ASTN2: variants seen among roughly 807,000 people sequenced by gnomAD.
The protein encoded by ASTN2 is astrotactin-2.
ASTN2 carries 54 observed loss-of-function variants against 139.8 expected under a neutral mutation model. The ratio of observed to expected loss-of-function variants is 0.39; its 90% CI spans 0.31 to 0.48. The LOEUF is 0.48. Ranked by LOEUF, ASTN2 falls within the 20% of genes least tolerant of loss-of-function variation. ASTN2 has a pLI of 0.95. For missense variants in ASTN2, 1,565 were observed against 1,725.1 expected (o/e 0.91, Z 1.64); for synonymous variants, 756 against 719.5 (o/e 1.05, Z -0.81).
At chr9:117,252,668 G>A (rs1300555138) in intron 2 of ASTN2, among the ~76,000 whole-genome samples, 1 of 152,198 alleles carries the variant, frequency 6.6e-6, no homozygotes, top group African/African-American at 2.4e-5. Flanking sequence ...GCAATTCTAT[G>A]AGGCAGTTAT....
intron 13 of ASTN2, among the ~76,000 whole-genome samples, chr9:116,749,457 C>T (rs1369912299): frequency 2.6e-5 from 4 of 152,184 alleles, no homozygotes; most frequent in African/African-American, 9.7e-5. Context: ...TCCCGCCCGC[C>T]ACTGGTAAAT....
At chr9:116,947,861 T>C (rs922666477) in intron 10 of ASTN2, among the ~76,000 whole-genome samples, 6 of 152,274 alleles carry the variant, frequency 3.9e-5, no homozygotes, top group Non-Finnish European at 7.3e-5. Flanking sequence ...TTTTGCTGAA[T>C]GTCCTAATAA....
At chr9:117,365,830 T>A (rs970824009) in intron 1 of ASTN2, among the ~76,000 whole-genome samples, 9 of 152,194 alleles carry the variant, frequency 5.9e-5, no homozygotes, top group Admixed American at 2.6e-4. Flanking sequence ...ACAGTGGAAA[T>A]GCACTGGCCT....
At chr9:116,805,558 C>A in intron 13 of ASTN2, 74 bp downstream of exon 13, 1 of 1,419,310 alleles carries the variant, frequency 7.0e-7, no homozygotes, top group Non-Finnish European at 9.8e-7. Flanking sequence ...CCCATTGTGC[C>A]CATGGCTTCC....
chr9:116,620,832 T>C (rs1290626932), intron 17 of ASTN2, among the ~76,000 whole-genome samples: 2 of 152,200 alleles, frequency 1.3e-5, no homozygotes, highest in Admixed American at 6.5e-5. Flanking sequence ...AGGTTTACGA[T>C]AGCGATAGAG....
intron 13 of ASTN2, among the ~76,000 whole-genome samples, chr9:116,803,076 T>A (rs1830905854): frequency 6.6e-6 from 1 of 152,352 alleles, no homozygotes; most frequent in Non-Finnish European, 1.5e-5. Context: ...TCTATTTTTT[T>A]AAAACTTGTG....
chr9:117,121,891 C>A (rs929198789), intron 4 of ASTN2, among the ~76,000 whole-genome samples: 7 of 152,140 alleles, frequency 4.6e-5, no homozygotes, highest in African/African-American at 2.4e-5. Flanking sequence ...ACAACCAGAA[C>A]TCCTGATAAC....
intron 20 of ASTN2, among the ~76,000 whole-genome samples, chr9:116,449,191 A>G (rs1848100305): frequency 6.6e-6 from 1 of 152,178 alleles, no homozygotes; most frequent in Non-Finnish European, 1.5e-5. Flanking sequence ...GGATTGCATG[A>G]GCCCAGGAGT....
chr9:116,442,197 C>T (rs1847860191), intron 21 of ASTN2, among the ~76,000 whole-genome samples: 1 of 152,164 alleles, frequency 6.6e-6, no homozygotes, highest in African/African-American at 2.4e-5. Context: ...TAAGTCAGAA[C>T]ACAGATCAAC....
intron 2 of ASTN2, among the ~76,000 whole-genome samples, chr9:117,286,582 G>A (rs894668373): frequency 1.3e-5 from 2 of 152,122 alleles, no homozygotes; most frequent in Admixed American, 6.5e-5. Flanking sequence ...AACTTAGCTG[G>A]CAAATAGTTA....
chr9:117,205,716 A>T (rs1017788782), intron 3 of ASTN2, among the ~76,000 whole-genome samples: 3 of 152,188 alleles, frequency 2.0e-5, no homozygotes, highest in African/African-American at 4.8e-5. Context: ...CAAACTAAAA[A>T]ATAAGGCTTT....
intron 1 of ASTN2, among the ~76,000 whole-genome samples, chr9:117,327,025 G>A (rs1487285000): frequency 6.6e-6 from 1 of 152,156 alleles, no homozygotes; most frequent in African/African-American, 2.4e-5. Context: ...TGGGGGACTG[G>A]TTTTGGGATA....
intron 19 of ASTN2, among the ~76,000 whole-genome samples, chr9:116,499,059 T>C (rs909807507): frequency 2.6e-5 from 4 of 152,198 alleles, no homozygotes; most frequent in Admixed American, 6.5e-5. Context: ...TTTAGAATCC[T>C]CTGCACCACC....
At chr9:116,821,812 G>T (rs1386448257) in intron 11 of ASTN2, among the ~76,000 whole-genome samples, 3 of 152,074 alleles carry the variant, frequency 2.0e-5, no homozygotes, top group Non-Finnish European at 4.4e-5. Flanking sequence ...TCTGGCACCT[G>T]CTATGTGCTC....
chr9:116,715,921 G>A (rs1019771541), intron 16 of ASTN2, among the ~76,000 whole-genome samples: 7 of 152,162 alleles, frequency 4.6e-5, no homozygotes, highest in Non-Finnish European at 1.0e-4. Context: ...AGGTTGGTAG[G>A]TTAGACCTGC....
At chr9:116,668,850 T>C (rs1031736019) in intron 16 of ASTN2, among the ~76,000 whole-genome samples, 1 of 152,276 alleles carries the variant, frequency 6.6e-6, no homozygotes, top group Admixed American at 6.5e-5. Context: ...GGGCTAGAAA[T>C]GACTTAGTGT....
intron 7 of ASTN2, among the ~76,000 whole-genome samples, chr9:116,980,064 G>A (rs1836465157): frequency 6.6e-6 from 1 of 152,128 alleles, no homozygotes; most frequent in Admixed American, 6.5e-5. Context: ...AGGCTTCCTG[G>A]AGAACGGAAA....
intron 1 of ASTN2, among the ~76,000 whole-genome samples, chr9:117,296,818 TTTTTCTGCTCTCC>T (rs1834748431): frequency 6.6e-6 from 1 of 152,142 alleles, no homozygotes. Flanking sequence ...CCTTTTCACC[TTTTTCTGCTCTCC>T]CCCATGGGCT....
chr9:116,769,245 T>C (rs1174442433), intron 13 of ASTN2, among the ~76,000 whole-genome samples: 1 of 152,172 alleles, frequency 6.6e-6, no homozygotes, highest in Non-Finnish European at 1.5e-5. Flanking sequence ...TGGTGCTAAA[T>C]AAAAGAGTTG....
Sources: allele counts gnomAD v4.1 joint callset (sites outside exome capture counted in the v4.1 genomes callset), GRCh38; gene constraint gnomAD v4.1.1; transcripts MANE v1.5; gene names NCBI Gene and HGNC (gene_info 2026-07-23, HGNC 2026-07-21).